The following DNAH11 variants were observed in gnomAD, a reference collection of about 807,000 sequenced individuals.
DNAH11 encodes the protein dynein axonemal heavy chain 11.
A neutral mutation model predicts 526.0 loss-of-function variants in DNAH11; 442 were observed. The observed-to-expected ratio is 0.84, with a 90% confidence interval of 0.78 to 0.91. DNAH11 has a LOEUF of 0.91. Among genes scored for constraint, DNAH11 ranks in the 40% least tolerant of loss-of-function variants. The pLI, the probability that DNAH11 is intolerant of heterozygous loss-of-function variation, is 0.00. For synonymous variants in DNAH11, 2,461 were observed against 1,935.9 expected (o/e 1.27, Z -7.12); for missense variants, 6,989 against 5,448.7 (o/e 1.28, Z -8.90).
intron 20 of DNAH11, among the ~76,000 whole-genome samples, 160 bp from the exon 21 acceptor site, chr7:21,614,954 C>G (rs1162618095): frequency 6.6e-6 from 1 of 152,316 alleles, no homozygotes; most frequent in African/African-American, 2.4e-5. Context: ...TGAGTTTGCT[C>G]TTCTAAAACC....
rs759056367 is a variant in DNAH11 at position 21,873,406 on chromosome 7, C to G, written c.12100C>G (p.Pro4034Ala). Reference sequence around the variant, plus strand: ...ACCTACACCAGATGAGCATATCATCCCTCAAGGACTCCTGGAAAATTCCAT... The same window carrying G: ...ACCTACACCAGATGAGCATATCATCGCTCAAGGACTCCTGGAAAATTCCAT... ...SAPTPDEHIIPQGLLENSIKI... is the reference protein window; with the variant it reads ...SAPTPDEHIIAQGLLENSIKI... The change falls in exon 74 of 82, where the codon CCT (proline) becomes GCT (alanine). Residue 4034 changes from proline to alanine, a missense_variant. Coordinates refer to ENST00000409508, the MANE Select transcript of DNAH11 (RefSeq NM_001277115.2). 3.7e-5 allele frequency: 60 copies of G among 1,613,808 alleles called. No homozygotes were observed. The highest frequency in any genetic ancestry group is 4.9e-5 in the Non-Finnish European group (58 of 1,179,878).
At chr7:21,557,258 G>C (rs56356943) in intron 2 of DNAH11, among the ~76,000 whole-genome samples, 26,101 of 151,990 alleles carry the variant, frequency 0.17, 2,289 homozygotes, top group Middle Eastern at 0.24. Flanking sequence ...TTTCCTACAA[G>C]CACCATACTC....
chr7:21,607,509 AACT>A (rs1348067031), intron 20 of DNAH11, among the ~76,000 whole-genome samples: 7 of 152,312 alleles, frequency 4.6e-5, no homozygotes, highest in African/African-American at 1.2e-4. Context: ...AGACAGTAAC[AACT>A]ACTACTATTT....
In DNAH11 at chr7:21,725,944, A is replaced by C; in HGVS notation, c.7400A>C (p.Lys2467Thr). 1.9e-6 allele frequency: 3 copies of C among 1,560,800 alleles called. No individual in the cohort carries two copies. In the South Asian group the frequency reaches 3.5e-5, roughly 18 times the overall value. ...KTKKLLPWADKIAQFTMDPDV... is the reference protein window; with the variant it reads ...KTKKLLPWADTIAQFTMDPDV... The stretch of plus-strand genomic sequence containing the variant: ...AAGAAATTATTGCCCTGGGCTGACA[A>C]AATTGCCCAGTTTACTATGGATCCA... The change falls in exon 45 of 82, where the codon AAA becomes ACA. Residue 2467 changes from lysine to threonine, a missense_variant. Physicochemically the swap from Lys to Thr is moderately conservative, Grantham distance 78. Transcript: ENST00000409508.
intron 40 of DNAH11, 79 bp downstream of exon 40, chr7:21,707,914 C>A: frequency 1.4e-6 from 2 of 1,441,158 alleles, no homozygotes; most frequent in Middle Eastern, 1.8e-4. Flanking sequence ...CAATTTTAGT[C>A]ATAGTCGCAG....
intron 25 of DNAH11, among the ~76,000 whole-genome samples, chr7:21,620,970 GACAT>G: frequency 1.3e-5 from 2 of 152,118 alleles, no homozygotes; most frequent in Middle Eastern, 6.8e-3. Flanking sequence ...ATCCTCGTTG[GACAT>G]TTGGGTTGGT....
At chr7:21,546,442 T>A (rs1212432838) in intron 2 of DNAH11, among the ~76,000 whole-genome samples, 1 of 152,230 alleles carries the variant, frequency 6.6e-6, no homozygotes, top group Non-Finnish European at 1.5e-5. Context: ...TGGTTCAATA[T>A]GAGAATCTAG....
intron 8 of DNAH11, among the ~76,000 whole-genome samples, chr7:21,581,073 CATTA>C (rs1306922150): frequency 1.3e-5 from 2 of 152,180 alleles, no homozygotes; most frequent in Admixed American, 1.3e-4. Flanking sequence ...TGCTAACTGT[CATTA>C]ATTCTATTAC....
chr7:21,866,619 T>A lies in DNAH11; in HGVS notation c.11646T>A (p.Ile3882=). 6.2e-7 allele frequency: 1 copy of A among 1,613,870 alleles called. No homozygotes were observed. Among genetic ancestry groups the A allele is most frequent in the Non-Finnish European group, 8.5e-7 (1 of 1,179,818 alleles). The change falls in exon 71 of 82, where the codon ATT becomes ATA. Residue 3882 remains isoleucine, a synonymous_variant. Transcript: ENST00000409508. The stretch of plus-strand genomic sequence containing the variant: ...AGAAAAGTTTAATACAGAAGCTGAT[T>A]CTTCTGAGAGCAATGCGCCCTGACA... ...WKKKSLIQKL[I]LLRAMRPDRM...
chr7:21,565,758 T>G (rs1271775297), intron 6 of DNAH11, among the ~76,000 whole-genome samples: 4 of 152,200 alleles, frequency 2.6e-5, no homozygotes, highest in South Asian at 2.1e-4. Flanking sequence ...CTAAGTGAAA[T>G]GCCCAGCGTA....
chr7:21,756,482 T>C (rs1786647859), intron 54 of DNAH11, among the ~76,000 whole-genome samples: 1 of 152,112 alleles, frequency 6.6e-6, no homozygotes, highest in Non-Finnish European at 1.5e-5. Context: ...ATCACCTTCC[T>C]TTTCTACATT....
intron 61 of DNAH11, among the ~76,000 whole-genome samples, chr7:21,800,319 T>C (rs1313478025): frequency 6.6e-6 from 1 of 152,144 alleles, no homozygotes; most frequent in Admixed American, 6.6e-5. Context: ...TCTCTGAGTT[T>C]CAGTCCCTAC....
rs774034132 is a variant in DNAH11, at chr7:21,816,556, C to T, written c.10422C>T (p.Pro3474=). Reference sequence around the variant, plus strand: ...CCGCCTGGAATAACGAAGGACTGCCCAGTGACAGAATGTCCACCGAAAATG... The same window carrying T: ...CCGCCTGGAATAACGAAGGACTGCCTAGTGACAGAATGTCCACCGAAAATG... ...TIAAWNNEGL[P]SDRMSTENAA... is the part of the protein sequence containing the mutation. Residue 3474 remains proline, a synonymous_variant, in exon 64 of 82, where the codon CCC becomes CCT. Coordinates refer to ENST00000409508, the MANE Select transcript of DNAH11 (RefSeq NM_001277115.2). 1.2e-5 allele frequency: 20 copies of T among 1,613,186 alleles called. No homozygotes were observed. Among genetic ancestry groups the T allele is most frequent in the Admixed American group, 1.7e-5 (1 of 59,844 alleles).
At chr7:21,762,110 C>T (rs575919813) in intron 54 of DNAH11, among the ~76,000 whole-genome samples, 6 of 152,038 alleles carry the variant, frequency 3.9e-5, no homozygotes, top group Admixed American at 1.3e-4. Flanking sequence ...TGGGGGAAAC[C>T]ACCCCCATGC....
At chr7:21,892,320 C>G (rs750718083) in intron 76 of DNAH11, 105 bp from the exon 77 acceptor site, 1 of 1,469,078 alleles carries the variant, frequency 6.8e-7, no homozygotes. Context: ...ACCCAGACAG[C>G]ATTGTGCTGG....
chr7:21,786,654 A>G lies in DNAH11; in HGVS notation c.9628A>G (p.Asn3210Asp). 1 of 1,613,362 alleles carries G rather than the reference A, an allele frequency of 6.2e-7. No homozygotes were observed. The highest frequency in any genetic ancestry group is 8.5e-7 in the Non-Finnish European group (1 of 1,179,484). Residue 3210 changes from asparagine (N) to aspartate (D), a missense_variant, in exon 59 of 82, where the codon AAC (asparagine) becomes GAC (aspartate). Coordinates refer to ENST00000409508, the MANE Select transcript of DNAH11 (RefSeq NM_001277115.2). ...CCTCAGTGAGCTGAAAGCCTTTCCC[A>G]ACCCTCCCATCGCAGTTACCAATGT... is the stretch of plus-strand genomic sequence containing the variant. ...VNLSELKAFPNPPIAVTNVTA... is the reference protein window; with the variant it reads ...VNLSELKAFPDPPIAVTNVTA...
intron 2 of DNAH11, among the ~76,000 whole-genome samples, chr7:21,555,449 C>G (rs1783179382): frequency 6.6e-6 from 1 of 152,174 alleles, no homozygotes; most frequent in Non-Finnish European, 1.5e-5. Flanking sequence ...TCTTTGTGTC[C>G]AAGCTTTTCC....
At chr7:21,605,343 C>T (rs1011791280) in intron 18 of DNAH11, among the ~76,000 whole-genome samples, 4 of 152,184 alleles carry the variant, frequency 2.6e-5, no homozygotes, top group East Asian at 1.9e-4. Flanking sequence ...AGGAGATGAC[C>T]GAGAGGAACA....
At position 21,901,151 on chromosome 7, in the gene DNAH11, C is replaced by G; in HGVS notation, c.13448C>G (p.Thr4483Ser). 1 of 1,612,988 alleles carries G rather than the reference C, an allele frequency of 6.2e-7. No homozygotes were observed. The highest frequency in any genetic ancestry group is 1.1e-5 in the South Asian group (1 of 91,066). ...KQTYECPVYR[T>S]KLRGPSYIWT... ...ACCTACGAGTGCCCTGTGTATAGAA[C>G]CAAACTGAGAGGCCCCAGCTACATC... Residue 4483 changes from threonine to serine, a missense_variant, in exon 82 of 82, where the codon ACC (threonine) becomes AGC (serine). By Grantham distance (58) the Thr-to-Ser change is moderately conservative (BLOSUM62 1). Transcript: ENST00000409508.
Sources: allele counts gnomAD v4.1 joint callset (sites outside exome capture counted in the v4.1 genomes callset), GRCh38; gene constraint gnomAD v4.1.1; transcripts MANE v1.5; gene names NCBI Gene and HGNC (gene_info 2026-07-23, HGNC 2026-07-21).